ABCA1: variants seen among roughly 807,000 people sequenced by gnomAD.
ABCA1 encodes phospholipid-transporting ATPase ABCA1.
Under a neutral mutation model 262.5 loss-of-function variants are expected in ABCA1, and 133 were observed. The observed-to-expected ratio is 0.51, with a 90% confidence interval of 0.44 to 0.59. The LOEUF (loss-of-function observed/expected upper bound fraction) is 0.59. ABCA1 is among the 20% of genes least tolerant of loss of function. The pLI, the probability that ABCA1 is intolerant of heterozygous loss-of-function variation, is 0.00. For synonymous variants in ABCA1, 1,022 were observed against 1,043.5 expected, an observed-to-expected ratio of 0.98 and a Z score of 0.40; for missense variants, 2,452 against 2,777.5, an observed-to-expected ratio of 0.88 and a Z score of 2.63.
In ABCA1 at chr9:104,883,019, C is replaced by T; in HGVS notation, c.421+20G>A. 6.3e-7 allele frequency: 1 copy of T among 1,583,394 alleles called. No individual in the cohort carries two copies. The highest frequency in any genetic ancestry group is 1.7e-5 in the Admixed American group (1 of 59,984). Reference sequence around the variant, plus strand: ...GTCAATTTCCAATTATAAACGGATGCAGAGAAGGTTTTTACTTACTTGAGC... The same window carrying T: ...GTCAATTTCCAATTATAAACGGATGTAGAGAAGGTTTTTACTTACTTGAGC... On this transcript the variant is annotated intron_variant, in intron 5 of 49. Transcript: ENST00000374736.
chr9:104,854,175 A>G (rs530251718), intron 7 of ABCA1, among the ~76,000 whole-genome samples: 1 of 152,318 alleles, frequency 6.6e-6, no homozygotes, highest in East Asian at 1.9e-4. Context: ...AACCTTTAGG[A>G]GCAAAAACCA....
At chr9:104,869,054 G>C (rs549615757) in intron 5 of ABCA1, among the ~76,000 whole-genome samples, 1 of 152,166 alleles carries the variant, frequency 6.6e-6, no homozygotes, top group African/African-American at 2.4e-5. Context: ...AAGGAGAGGA[G>C]GGAGAGCAGC....
intron 42 of ABCA1, 122 bp downstream of exon 42, chr9:104,792,664 G>T: frequency 3.3e-6 from 4 of 1,226,626 alleles, no homozygotes; most frequent in Non-Finnish European, 3.6e-6. Context: ...ACAGAACCTT[G>T]GTATAGATGT....
At chr9:104,797,657 G>A (rs905621297) in intron 37 of ABCA1, among the ~76,000 whole-genome samples, 1 of 152,202 alleles carries the variant, frequency 6.6e-6, no homozygotes, top group African/African-American at 2.4e-5. Context: ...GGTATAAACA[G>A]CAAAGATCTC....
chr9:104,864,533 G>A (rs920686968), intron 5 of ABCA1, among the ~76,000 whole-genome samples: 4 of 152,054 alleles, frequency 2.6e-5, no homozygotes, highest in Admixed American at 6.6e-5. Context: ...TTTATTTGTC[G>A]AGTCATTTCA....
Position 104,883,166 on chromosome 9 carries a change from G to C in ABCA1, c.303-9C>G, listed in dbSNP as rs376463936. The C allele has an allele frequency of 9.9e-6, 16 of 1,611,552 alleles. No individual in the cohort carries two copies. Among genetic ancestry groups the C allele is most frequent in the Admixed American group, 8.3e-5 (5 of 59,978 alleles). ...AGAACAGGCGAGCCACACTGTAAAG[G>C]GTGCAAGAAAAGGCGAAAGGCTTTA... is the stretch of plus-strand genomic sequence containing the variant. On this transcript the variant is annotated splice_polypyrimidine_tract_variant and intron_variant, in intron 4 of 49. Coordinates refer to ENST00000374736, the MANE Select transcript of ABCA1 (RefSeq NM_005502.4).
chr9:104,862,695 G>C (rs1382533397), intron 5 of ABCA1, among the ~76,000 whole-genome samples: 8 of 752 alleles, frequency 0.011, no homozygotes, highest in African/African-American at 0.03. Context: ...GGGCCGGGCC[G>C]GGCCGGCCCC....
At chr9:104,913,218 T>C (rs892945200) in intron 1 of ABCA1, among the ~76,000 whole-genome samples, 2 of 152,196 alleles carry the variant, frequency 1.3e-5, no homozygotes, top group Admixed American at 6.5e-5. Context: ...GGGTCTATTC[T>C]ACCATGCAGA....
At chr9:104,888,072 T>G (rs147049062) in intron 3 of ABCA1, among the ~76,000 whole-genome samples, 12 of 151,744 alleles carry the variant, frequency 7.9e-5, no homozygotes, top group South Asian at 4.2e-4. Flanking sequence ...TGTGTGTGTG[T>G]GTGTGTGTGT....
Position 104,813,849 on chromosome 9 carries a change from C to T in ABCA1, c.3901+269G>A, listed in dbSNP as rs920010191. ...TAATGTATACAAGAAACTAGGACCC[C>T]GCAGAAAAGATAATAAATACATGGG... On this transcript the variant is annotated intron_variant, in intron 27 of 49. Transcript: ENST00000374736. Among the ~76,000 whole-genome samples the T allele has an allele frequency of 1.6e-4, 24 of 152,200 alleles. No individual in the cohort carries two copies. The East Asian group carries it at 1.9e-3, about 12-fold the overall frequency.
intron 8 of ABCA1, among the ~76,000 whole-genome samples, chr9:104,841,158 G>T (rs2487062): frequency 1.3e-5 from 2 of 152,048 alleles, no homozygotes; most frequent in African/African-American, 2.4e-5. Flanking sequence ...AGTCTGGGCC[G>T]GGTGCAGTGG....
intron 7 of ABCA1, among the ~76,000 whole-genome samples, chr9:104,853,383 G>C (rs763871699): frequency 5.9e-5 from 9 of 152,192 alleles, no homozygotes; most frequent in Non-Finnish European, 1.2e-4. Context: ...CACAGTGTCT[G>C]TGTTGGCAAA....
chr9:104,834,255 T>G (rs1350763835), intron 11 of ABCA1, among the ~76,000 whole-genome samples: 2 of 149,784 alleles, frequency 1.3e-5, no homozygotes, highest in Non-Finnish European at 3.0e-5. Context: ...TATGGTGACT[T>G]CTTTAAAATT....
intron 29 of ABCA1, among the ~76,000 whole-genome samples, chr9:104,810,141 C>CATAT (rs35876406): frequency 0.028 from 3,513 of 126,658 alleles, 80 homozygotes; most frequent in African/African-American, 0.06. Context: ...ATTCACATTA[C>CATAT]ATATATATAT....
chr9:104,871,942 C>T (rs1181164446), intron 5 of ABCA1, among the ~76,000 whole-genome samples: 3 of 152,124 alleles, frequency 2.0e-5, no homozygotes, highest in Non-Finnish European at 4.4e-5. Flanking sequence ...GAAGTCCAGG[C>T]ACAAAAAGAA....
At chr9:104,911,430 C>A (rs1841491928) in intron 1 of ABCA1, among the ~76,000 whole-genome samples, 1 of 152,130 alleles carries the variant, frequency 6.6e-6, no homozygotes, top group South Asian at 2.1e-4. Flanking sequence ...TACTGAAGGC[C>A]AAGACACCTG....
intron 5 of ABCA1, among the ~76,000 whole-genome samples, chr9:104,879,612 A>C (rs1838452645): frequency 6.6e-6 from 1 of 152,248 alleles, no homozygotes; most frequent in African/African-American, 2.4e-5. Flanking sequence ...TCAAAAAGCC[A>C]ACAATACAAC....
intron 5 of ABCA1, among the ~76,000 whole-genome samples, chr9:104,864,828 T>C (rs2119120247): frequency 6.6e-6 from 1 of 152,110 alleles, no homozygotes; most frequent in African/African-American, 2.4e-5. Context: ...GTGAGTGTGC[T>C]CAGCATGTTT....
chr9:104,799,674 T>C (rs1311690386), intron 36 of ABCA1, 145 bp downstream of exon 36: 1 of 1,536,838 alleles, frequency 6.5e-7, no homozygotes, highest in African/African-American at 1.4e-5. Flanking sequence ...TTATCACTTC[T>C]GCCCAGAGCC....
Sources: gnomAD v4.1 joint callset for allele counts (sites outside exome capture counted in the v4.1 genomes callset) on GRCh38, gnomAD v4.1.1 for gene constraint, MANE v1.5 for transcripts, NCBI Gene and HGNC (gene_info 2026-07-23, HGNC 2026-07-21) for gene names.